PPP1R13L: variants seen among roughly 807,000 people sequenced by gnomAD.
PPP1R13L encodes protein phosphatase 1 regulatory subunit 13 like.
In PPP1R13L, 50 loss-of-function variants were observed where a neutral mutation model predicts 80.9. The ratio of observed to expected loss-of-function variants is 0.62; its 90% CI spans 0.49 to 0.78. The LOEUF is 0.78. Among genes scored for constraint, PPP1R13L ranks in the 30% least tolerant of loss-of-function variants. The pLI is 0.00. For synonymous variants in PPP1R13L, 602 were observed against 534.3 expected (o/e 1.13, Z -1.75); for missense variants, 1,200 against 1,205.9 (o/e 1.00, Z 0.07).
Position 45,395,830 on chromosome 19 carries a change from G to T in PPP1R13L, c.960C>A (p.Ser320Arg). 1.9e-6 allele frequency: 3 copies of T among 1,595,978 alleles called. No homozygotes were observed. The highest frequency in any genetic ancestry group is 1.7e-6 in the Non-Finnish European group (2 of 1,173,224). The change falls in exon 7 of 13, where the codon AGC becomes AGA. Residue 320 changes from serine to arginine, a missense_variant. Around this residue, in one of 5 missense-constraint regions of PPP1R13L, gnomAD observed 764 missense variants for 714.5 expected, o/e 1.07. Transcript: ENST00000360957. ...AGCTGCCCGCGTCTGAACGCCGGTCGCTGGCCAGAGGAGAGACCTTGTAAT... is the reference window on the plus strand; with the variant it reads ...AGCTGCCCGCGTCTGAACGCCGGTCTCTGGCCAGAGGAGAGACCTTGTAAT... ...PRNYKVSPLA[S>R]DRRSDAGSYR...
At chr19:45,388,439 G>A (rs993077650) in intron 8 of PPP1R13L, among the ~76,000 whole-genome samples, 3 of 151,954 alleles carry the variant, frequency 2.0e-5, no homozygotes, top group Non-Finnish European at 2.9e-5. Flanking sequence ...TCTGGGAGTG[G>A]TGGTGCATGC....
At position 45,395,490 on chromosome 19, in the gene PPP1R13L, TTTGGGG is replaced by T; in HGVS notation, c.1294_1299del (p.Pro432_Gln433del). The T allele has an allele frequency of 7.1e-7, 1 of 1,400,248 alleles. No homozygotes were observed. Among genetic ancestry groups the T allele is most frequent in the Non-Finnish European group, 9.7e-7 (1 of 1,032,430 alleles). 86.7% of individuals were successfully genotyped at this position (1,400,248 alleles called of 1,614,324 possible). A position where few individuals can be genotyped will look rare whatever the true frequency, so the allele number is the denominator to read the frequency against. ...GGATGCTGGGGGGCTGGGGTAGGGG[TTTGGGG>T]TTGGGTCTGGGGCTGTGGGGGCAGC... On this transcript the variant is annotated inframe_deletion, in exon 7 of 13. Coordinates refer to ENST00000360957, the MANE Select transcript of PPP1R13L (RefSeq NM_006663.4).
chr19:45,380,002 G>T lies in PPP1R13L; in HGVS notation c.*188C>A. ...TCCCAGACCTCCCAAGGCTAAGGCA[G>T]ATTACTAAATTTAAGGCTGGGGCCC... On this transcript the variant is annotated 3_prime_UTR_variant, in exon 13 of 13. Coordinates refer to ENST00000360957, the MANE Select transcript of PPP1R13L (RefSeq NM_006663.4). 1.6e-6 allele frequency: 1 copy of T among 641,206 alleles called. No individual in the cohort carries two copies. 39.7% of individuals were successfully genotyped at this position (641,206 alleles called of 1,614,324 possible).
chr19:45,399,386 A>G lies in PPP1R13L; in HGVS notation c.-21-1047T>C, dbSNP rs559704544. On this transcript the variant is annotated intron_variant, in intron 1 of 12. Transcript: ENST00000360957. ...ACGCCTGTAATTCCAGCACTTTGGG[A>G]GGCCAAGGAGGGCGGATCACGAGGT... is the stretch of plus-strand genomic sequence containing the variant. Among the ~76,000 whole-genome samples, 20 of 150,108 alleles carry G rather than the reference A, an allele frequency of 1.3e-4. No individual in the cohort carries two copies. In the South Asian group the frequency reaches 4.2e-3, roughly 32 times the overall value.
intron 1 of PPP1R13L, among the ~76,000 whole-genome samples, chr19:45,400,341 C>CCAT (rs1973206467): frequency 6.6e-6 from 1 of 151,946 alleles, no homozygotes; most frequent in Non-Finnish European, 1.5e-5. Flanking sequence ...CAGGCCAGCA[C>CCAT]CATCCCTATC....
At chr19:45,399,954 A>C (rs1973199056) in intron 1 of PPP1R13L, among the ~76,000 whole-genome samples, 1 of 151,872 alleles carries the variant, frequency 6.6e-6, no homozygotes. Flanking sequence ...ATTTAAAAAA[A>C]AAAAAATTAA....
intron 8 of PPP1R13L, among the ~76,000 whole-genome samples, chr19:45,386,383 T>C (rs1476309237): frequency 1.3e-5 from 2 of 152,108 alleles, no homozygotes; most frequent in African/African-American, 2.4e-5. Flanking sequence ...AATCCTGTGA[T>C]TTGAGAATCT....
At chr19:45,386,456 A>G (rs893708560) in intron 8 of PPP1R13L, among the ~76,000 whole-genome samples, 4 of 152,146 alleles carry the variant, frequency 2.6e-5, no homozygotes, top group Non-Finnish European at 5.9e-5. Flanking sequence ...TAATTCTATC[A>G]GTTCAAAACA....
chr19:45,386,986 G>A (rs1972883354), intron 8 of PPP1R13L, among the ~76,000 whole-genome samples: 1 of 151,270 alleles, frequency 6.6e-6, no homozygotes, highest in Non-Finnish European at 1.5e-5. Context: ...CATTTATTCT[G>A]GGCTGGGCGA....
In PPP1R13L at chr19:45,385,737, G is replaced by A. The variant is rs1451002531; in HGVS notation, c.2082-9C>T. On this transcript the variant is annotated splice_polypyrimidine_tract_variant and intron_variant, in intron 10 of 12. Transcript: ENST00000360957. ...CGCAGTGCAAGGGTGTCCTAGGCGTGGGGGTGGGGGGTTGCGGGGAACGAT... is the reference window on the plus strand; with the variant it reads ...CGCAGTGCAAGGGTGTCCTAGGCGTAGGGGTGGGGGGTTGCGGGGAACGAT... 1 of 1,606,238 alleles carries A rather than the reference G, an allele frequency of 6.2e-7. No individual in the cohort carries two copies. The highest frequency in any genetic ancestry group is 1.3e-5 in the African/African-American group (1 of 74,560).
chr19:45,396,253 T>A lies in PPP1R13L; in HGVS notation c.818A>T (p.Asp273Val). The A allele has an allele frequency of 6.2e-7, 1 of 1,611,492 alleles. No individual in the cohort carries two copies. The highest frequency in any genetic ancestry group is 1.3e-5 in the African/African-American group (1 of 75,016). ...CGGCGAGGCAGGCCTTGCGAAGACGTCCAGGCCTGCGGGGCGGGAATCATT... is the reference window on the plus strand; with the variant it reads ...CGGCGAGGCAGGCCTTGCGAAGACGACCAGGCCTGCGGGGCGGGAATCATT... ...PSQTASYERL[D>V]VFARPASPSL... Residue 273 changes from aspartate (D) to valine (V), a missense_variant, in exon 6 of 13, where the codon GAC (aspartate) becomes GTC (valine). Around this residue, in one of 5 missense-constraint regions of PPP1R13L, gnomAD observed 764 missense variants for 714.5 expected, o/e 1.07. Coordinates refer to ENST00000360957, the MANE Select transcript of PPP1R13L (RefSeq NM_006663.4). The surrounding 1 kb of genome is among the most constrained non-coding windows in gnomAD (Gnocchi z 5.3).
chr19:45,381,702 G>C (rs189656673), intron 12 of PPP1R13L, among the ~76,000 whole-genome samples: 1 of 142,392 alleles, frequency 7.0e-6, no homozygotes, highest in East Asian at 2.2e-4. Context: ...AGGCTGAGGC[G>C]GGCAGGTCAC....
In PPP1R13L at chr19:45,385,673, C is replaced by T. The variant is rs753965700; in HGVS notation, c.2137G>A (p.Val713Met). The T allele has an allele frequency of 3.1e-6, 5 of 1,613,000 alleles. No individual in the cohort carries two copies. Among genetic ancestry groups the T allele is most frequent in the Non-Finnish European group, 4.2e-6 (5 of 1,179,774 alleles). Residue 713 changes from valine to methionine, a missense_variant, in exon 11 of 13, where the codon GTG (valine) becomes ATG (methionine). Val to Met is a conservative substitution (Grantham distance 21, BLOSUM62 1). Around this residue, in one of 5 missense-constraint regions of PPP1R13L, gnomAD observed 165 missense variants for 177.1 expected, o/e 0.93. Coordinates refer to ENST00000360957, the MANE Select transcript of PPP1R13L (RefSeq NM_006663.4). The part of the protein sequence containing the change: ...CNDTVICMAL[V>M]QHGAAIFATT... ...GCGAAGATTGCAGCGCCGTGCTGCA[C>T]CAGCGCCATGCAGATGACTGTGTCG... is the stretch of plus-strand genomic sequence containing the variant.
At chr19:45,406,164 C>A (rs1046727781), upstream of PPP1R13L, 22 of 459,650 alleles carry the variant, frequency 4.8e-5, no homozygotes, top group Non-Finnish European at 6.3e-5. This position sits in a 1 kb window ranked among gnomAD's most constrained non-coding sequence, Gnocchi z 4.2. Flanking sequence ...TCACGCCCTC[C>A]GGACGGATTG....
chr19:45,383,835 C>T (rs569640296), intron 11 of PPP1R13L, among the ~76,000 whole-genome samples: 2 of 152,096 alleles, frequency 1.3e-5, no homozygotes, highest in South Asian at 4.1e-4. Flanking sequence ...GATTTCGGCT[C>T]ACTGCAACCT....
chr19:45,391,693 A>G (rs1449847445), intron 8 of PPP1R13L, among the ~76,000 whole-genome samples, 187 bp downstream of exon 8: 1 of 152,222 alleles, frequency 6.6e-6, no homozygotes, highest in Non-Finnish European at 1.5e-5. Flanking sequence ...GCAGAGCCCC[A>G]GGTAGATAGA....
chr19:45,405,134 G>T (rs1973307360), upstream of PPP1R13L: 3 of 801,710 alleles, frequency 3.7e-6, no homozygotes, highest in Non-Finnish European at 3.0e-6. Context: ...GGGTCCCGGT[G>T]GGGAGGGGGA....
chr19:45,395,356 C>T, intron 7 of PPP1R13L, 80 bp downstream of exon 7: 3 of 1,542,100 alleles, frequency 1.9e-6, no homozygotes, highest in Non-Finnish European at 1.7e-6. Flanking sequence ...GTGATCTCCC[C>T]ACCTCCCAGG....
At chr19:45,387,664 C>T (rs1279213303) in intron 8 of PPP1R13L, among the ~76,000 whole-genome samples, 1 of 152,178 alleles carries the variant, frequency 6.6e-6, no homozygotes, top group Non-Finnish European at 1.5e-5. Context: ...AGGCCATTCT[C>T]CTGCCTCAGC....
Sources: allele counts gnomAD v4.1 joint callset (sites outside exome capture counted in the v4.1 genomes callset), GRCh38; gene constraint gnomAD v4.1.1; regional missense constraint gnomAD v4.1.1; non-coding constraint Gnocchi (gnomAD v3.1); transcripts MANE v1.5; gene names NCBI Gene and HGNC (gene_info 2026-07-23, HGNC 2026-07-21).